SRGAP2B: variants seen among roughly 807,000 people sequenced by gnomAD.
SRGAP2B encodes SLIT-ROBO Rho GTPase activating protein 2B, also known as SLIT-ROBO Rho GTPase-activating protein 2B.
SRGAP2B carries 9 observed loss-of-function variants against 22.2 expected under a neutral mutation model. The observed-to-expected ratio is 0.41, with a 90% CI of 0.24 to 0.71. The LOEUF is 0.71. Ranked by LOEUF, SRGAP2B falls within the 30% of genes least tolerant of loss-of-function variation. SRGAP2B has a pLI of 0.35. For synonymous variants in SRGAP2B, 36 were observed against 87.4 expected, an observed-to-expected ratio of 0.41 and a Z score of 3.28; for missense variants, 114 against 235.8, an observed-to-expected ratio of 0.48 and a Z score of 3.38.
At chr1:145,067,391 T>C (rs1320683775) in intron 2 of SRGAP2B, among the ~76,000 whole-genome samples, 2 of 146,264 alleles carry the variant, frequency 1.4e-5, no homozygotes, top group African/African-American at 5.3e-5. Flanking sequence ...CTTCAACCTT[T>C]TGATTTTAGC....
intron 3 of SRGAP2B, among the ~76,000 whole-genome samples, chr1:144,957,040 C>T (rs1416370493): frequency 1.3e-5 from 2 of 150,526 alleles, no homozygotes; most frequent in African/African-American, 5.0e-5. Flanking sequence ...ACACTTTGCC[C>T]AAGGTCATAT....
At chr1:145,083,968 T>C (rs1304864464) in intron 2 of SRGAP2B, among the ~76,000 whole-genome samples, 1 of 122,664 alleles carries the variant, frequency 8.2e-6, no homozygotes, top group African/African-American at 3.3e-5. Flanking sequence ...AAGCACTATG[T>C]GGGTGAAATA....
intron 3 of SRGAP2B, among the ~76,000 whole-genome samples, chr1:144,970,574 C>T (rs1553613084): frequency 8.3e-6 from 1 of 121,066 alleles, no homozygotes; most frequent in East Asian, 2.5e-4. Flanking sequence ...GTGCAGCGCA[C>T]CAGCATGGCA....
intron 2 of SRGAP2B, among the ~76,000 whole-genome samples, chr1:145,030,721 AATATATATATATATATATATATAT>A (rs1161032950): frequency 6.9e-5 from 1 of 14,494 alleles, no homozygotes; most frequent in Admixed American, 1.1e-3. Flanking sequence ...AAAAAAAAAA[AATATATATATATATATATATATAT>A]ATATATATAT....
intron 4 of SRGAP2B, among the ~76,000 whole-genome samples, chr1:144,934,474 G>A (rs1665478220): frequency 6.9e-6 from 1 of 145,066 alleles, no homozygotes; most frequent in Non-Finnish European, 1.5e-5. Context: ...TAAAAAATGT[G>A]ATATTTCCCC....
At chr1:144,952,657 A>T (rs1397452072) in intron 4 of SRGAP2B, among the ~76,000 whole-genome samples, 3 of 150,008 alleles carry the variant, frequency 2.0e-5, no homozygotes, top group Non-Finnish European at 4.4e-5. Flanking sequence ...GCATCCTCAA[A>T]CTATCAGGGT....
intron 4 of SRGAP2B, among the ~76,000 whole-genome samples, chr1:144,941,886 C>T (rs367571867): frequency 6.7e-5 from 10 of 148,926 alleles, no homozygotes; most frequent in East Asian, 5.8e-4. Context: ...AGCACAGCAA[C>T]GTATGACTGC....
chr1:144,913,072 A>C (rs1663533674), intron 5 of SRGAP2B, among the ~76,000 whole-genome samples: 1 of 145,280 alleles, frequency 6.9e-6, no homozygotes. Context: ...TCACTCAAAC[A>C]CAGCTTACGC....
At chr1:144,942,480 C>T (rs1666126726) in intron 4 of SRGAP2B, among the ~76,000 whole-genome samples, 1 of 150,034 alleles carries the variant, frequency 6.7e-6, no homozygotes, top group South Asian at 2.1e-4. Flanking sequence ...AGTGCAATGG[C>T]ACAATCTTGG....
In SRGAP2B at chr1:145,007,676, C is replaced by T. The variant is rs1331972281; in HGVS notation, c.68-12476G>A. 1.3e-4 allele frequency among the ~76,000 whole-genome samples: 19 copies of T among 150,734 alleles called. 3 individuals are homozygous for T. The highest frequency in any genetic ancestry group is 4.2e-4 in the African/African-American group (17 of 40,304). On this transcript the variant is annotated intron_variant, in intron 2 of 9. Coordinates refer to ENST00000612199, the Ensembl canonical transcript of SRGAP2B. ...TACTTATCTCTCTATGCAAGAATGT[C>T]CCTATTCTGTAAAATTTTGTTAATA...
intron 4 of SRGAP2B, among the ~76,000 whole-genome samples, chr1:144,941,623 A>G (rs1666060557): frequency 6.7e-6 from 1 of 150,054 alleles, no homozygotes; most frequent in Non-Finnish European, 1.5e-5. Flanking sequence ...AAAGAAGATG[A>G]AAATGAAAAA....
At chr1:145,068,075 C>T (rs1249229487) in intron 2 of SRGAP2B, among the ~76,000 whole-genome samples, 7 of 46,252 alleles carry the variant, frequency 1.5e-4, no homozygotes, top group African/African-American at 5.2e-4. Context: ...TGGTGGCGGG[C>T]GCCTGTAGTC....
At chr1:144,971,261 G>A (rs1668495427) in intron 3 of SRGAP2B, among the ~76,000 whole-genome samples, 1 of 148,714 alleles carries the variant, frequency 6.7e-6, no homozygotes, top group Admixed American at 6.7e-5. Flanking sequence ...CTCCTGAGTA[G>A]CTGGGATTAC....
exon 10 of SRGAP2B, chr1:144,892,069 TCTAAGATA>T (rs1333484508): frequency 2.9e-6 from 2 of 691,246 alleles, no homozygotes; most frequent in African/African-American, 4.4e-5. Context: ...CACATTCGTA[TCTAAGATA>T]TTCAACGCCT....
At chr1:144,957,144 C>G (rs2101943105) in intron 3 of SRGAP2B, among the ~76,000 whole-genome samples, 1 of 150,784 alleles carries the variant, frequency 6.6e-6, no homozygotes, top group Admixed American at 6.6e-5. Flanking sequence ...CTGTTTCTTT[C>G]CCCCTTTCCT....
rs1460294689 is a variant in SRGAP2B at position 144,964,422 on chromosome 1, T to C, written c.261-8821A>G. Reference sequence around the variant, plus strand: ...TGTGTATCTGTGCTCACTCTCTGGGTGGCTACTGAATGACCAAATTTGTAT... The same window carrying C: ...TGTGTATCTGTGCTCACTCTCTGGGCGGCTACTGAATGACCAAATTTGTAT... On this transcript the variant is annotated intron_variant, in intron 3 of 9. Coordinates refer to ENST00000612199, the Ensembl canonical transcript of SRGAP2B. 2.0e-5 allele frequency among the ~76,000 whole-genome samples: 3 copies of C among 149,708 alleles called. 1 individual carries two copies. Among genetic ancestry groups the C allele is most frequent in the African/African-American group, 7.6e-5 (3 of 39,496 alleles).
rs758187574 is a variant in SRGAP2B at position 145,016,888 on chromosome 1, G to A, written c.68-21688C>T. On this transcript the variant is annotated intron_variant, in intron 2 of 9. Transcript: ENST00000612199. ...TTTTGAGACGGAGTCTCACTCTGTCGCCCAGGCTGGAGTGCAGTGGTGCGA... is the reference window on the plus strand; with the variant it reads ...TTTTGAGACGGAGTCTCACTCTGTCACCCAGGCTGGAGTGCAGTGGTGCGA... 1.5e-3 allele frequency among the ~76,000 whole-genome samples: 220 copies of A among 145,674 alleles called. 1 individual carries two copies. The highest frequency in any genetic ancestry group is 2.0e-3 in the Non-Finnish European group (134 of 67,128).
chr1:144,956,502 C>T (rs1419624836), intron 3 of SRGAP2B, among the ~76,000 whole-genome samples: 1 of 95,338 alleles, frequency 1.0e-5, no homozygotes, highest in Non-Finnish European at 1.9e-5. Flanking sequence ...GGCTGGAGTA[C>T]AGTGGCACAA....
intron 2 of SRGAP2B, among the ~76,000 whole-genome samples, chr1:145,021,914 C>A (rs1359621114): frequency 1.4e-5 from 2 of 142,868 alleles, no homozygotes; most frequent in South Asian, 2.2e-4. Context: ...CAGGACTAGG[C>A]AGCAAATACT....
Sources: allele counts gnomAD v4.1 joint callset (sites outside exome capture counted in the v4.1 genomes callset), GRCh38; gene constraint gnomAD v4.1.1; transcripts MANE v1.5; gene names NCBI Gene and HGNC (gene_info 2026-07-23, HGNC 2026-07-21).